Variants in CEP63 observed in about 807,000 individuals in gnomAD.
The protein encoded by CEP63 is centrosomal protein 63, also known as centrosomal protein of 63 kDa.
CEP63 carries 84 observed loss-of-function variants against 89.1 expected under a neutral mutation model. That is an observed-to-expected ratio of 0.94 (90% CI 0.79 to 1.13). The LOEUF (loss-of-function observed/expected upper bound fraction) is 1.13. CEP63 is among the 50% of genes most tolerant of loss of function. The pLI is 0.00. For missense variants in CEP63, 838 were observed against 813.3 expected (o/e 1.03, Z -0.37); for synonymous variants, 267 against 272.5 (o/e 0.98, Z 0.20).
the CEP63 span, chr3:134,650,769 T>C: frequency 3.7e-3 from 5,437 of 1,476,222 alleles, 15 homozygotes; most frequent in Non-Finnish European, 4.6e-3. Flanking sequence ...CAGGCCCTTG[T>C]GGCAAGGAGG....
chr3:134,624,934 G>A, the CEP63 span: 1 of 868,116 alleles, frequency 1.2e-6, no homozygotes, highest in East Asian at 2.6e-5. Flanking sequence ...AGGCATTCCA[G>A]GGCCATCCAA....
chr3:134,576,784 G>A (rs1156747571), downstream of CEP63, among the ~76,000 whole-genome samples: 1 of 152,144 alleles, frequency 6.6e-6, no homozygotes, highest in Non-Finnish European at 1.5e-5. Context: ...CCCTGGCCTC[G>A]GGGTCTGGGA....
In CEP63 at chr3:134,530,064, G is replaced by T. The variant is rs112262230; in HGVS notation, c.223-1781G>T. ...AATTTTTTGTATTTTTAGTAGAGAT[G>T]GGGTTTCACCGTGTGAGCCAGGATG... On this transcript the variant is annotated intron_variant, in intron 3 of 14. Coordinates refer to ENST00000675561, the MANE Select transcript of CEP63 (RefSeq NM_001353108.3). 7.0e-3 allele frequency among the ~76,000 whole-genome samples: 1,067 copies of T among 151,800 alleles called. 12 individuals are homozygous for T. The highest frequency in any genetic ancestry group is 0.025 in the African/African-American group (1,025 of 41,400).
At chr3:134,608,636 G>C in the CEP63 span, 35 of 1,613,884 alleles carry the variant, frequency 2.2e-5, no homozygotes, top group Non-Finnish European at 2.8e-5. Flanking sequence ...ACTGGCACCT[G>C]CTCCGGGCTC....
At chr3:134,708,206 A>G in the CEP63 span, among the ~76,000 whole-genome samples, 1 of 152,268 alleles carries the variant, frequency 6.6e-6, no homozygotes, top group South Asian at 2.1e-4. Context: ...ACCCCCTGCC[A>G]ATCAATCACA....
chr3:134,765,486 G>A, the CEP63 span, among the ~76,000 whole-genome samples: 94,249 of 152,086 alleles, frequency 0.62, 31,712 homozygotes, highest in East Asian at 0.87. Flanking sequence ...TGAATAAGGG[G>A]GAAGGGAGGA....
At chr3:134,559,984 A>G (rs1354902845) in intron 14 of CEP63, among the ~76,000 whole-genome samples, 1 of 152,212 alleles carries the variant, frequency 6.6e-6, no homozygotes, top group Admixed American at 6.5e-5. Flanking sequence ...AGCACTTGCC[A>G]TGGGCCCTTC....
intron 3 of CEP63, among the ~76,000 whole-genome samples, chr3:134,512,313 G>T (rs1432376494): frequency 6.6e-6 from 1 of 152,202 alleles, no homozygotes; most frequent in Non-Finnish European, 1.5e-5. Flanking sequence ...TCTGGTTACA[G>T]TGTTGGCACT....
At chr3:134,740,488 G>A in the CEP63 span, among the ~76,000 whole-genome samples, 3 of 152,072 alleles carry the variant, frequency 2.0e-5, no homozygotes, top group African/African-American at 7.2e-5. Context: ...TAGTAGAGAT[G>A]GGGGTTCACC....
intron 4 of CEP63, 47 bp downstream of exon 4, chr3:134,531,987 T>C (rs1949942303): frequency 7.4e-7 from 1 of 1,353,408 alleles, no homozygotes; most frequent in African/African-American, 1.4e-5. Context: ...TTCTCTCTCT[T>C]TCACCCTTGA....
At chr3:134,567,363 G>A (rs559833205), downstream of CEP63, among the ~76,000 whole-genome samples, 7 of 151,036 alleles carry the variant, frequency 4.6e-5, no homozygotes. Context: ...AAAATTGATT[G>A]TGATGGTTGC....
intron 6 of CEP63, among the ~76,000 whole-genome samples, chr3:134,539,585 C>A (rs971550881): frequency 2.6e-5 from 4 of 152,076 alleles, no homozygotes; most frequent in Non-Finnish European, 5.9e-5. Context: ...GAGTCAGAAT[C>A]CAGTCAAGGT....
chr3:134,531,808 C>G (rs373442447), intron 3 of CEP63, 37 bp from the exon 4 acceptor site: 1 of 1,366,140 alleles, frequency 7.3e-7, no homozygotes, highest in Non-Finnish European at 1.0e-6. Flanking sequence ...TATTTCAATG[C>G]TAATAGTGAA....
chr3:134,665,508 C>A, the CEP63 span, among the ~76,000 whole-genome samples: 4 of 152,252 alleles, frequency 2.6e-5, no homozygotes, highest in Non-Finnish European at 5.9e-5. Flanking sequence ...CCCAGGTGGT[C>A]GCTGAAAAGC....
the CEP63 span, among the ~76,000 whole-genome samples, chr3:134,695,837 G>A: frequency 6.6e-6 from 1 of 152,188 alleles, no homozygotes; most frequent in Non-Finnish European, 1.5e-5. Context: ...TGATAGCTAT[G>A]GTTCAAAGTG....
chr3:134,537,471 C>G (rs1376123810), intron 6 of CEP63, among the ~76,000 whole-genome samples: 2 of 152,158 alleles, frequency 1.3e-5, no homozygotes, highest in African/African-American at 4.8e-5. Flanking sequence ...CATTCACTCT[C>G]CTGTCCAGGC....
chr3:134,603,938 G>A, the CEP63 span: 1 of 1,614,002 alleles, frequency 6.2e-7, no homozygotes, highest in East Asian at 2.2e-5. Flanking sequence ...CCTGGTTCCT[G>A]CCTCTTCTTG....
At chr3:134,695,334 C>A in the CEP63 span, among the ~76,000 whole-genome samples, 3 of 152,232 alleles carry the variant, frequency 2.0e-5, no homozygotes, top group Non-Finnish European at 4.4e-5. Flanking sequence ...CTTGTAGAAA[C>A]AACTCTGATT....
intron 11 of CEP63, among the ~76,000 whole-genome samples, chr3:134,571,264 C>T (rs896147602): frequency 1.3e-5 from 2 of 152,230 alleles, no homozygotes; most frequent in African/African-American, 4.8e-5. Flanking sequence ...TCTGTTGCTT[C>T]CCAAATGGAA....
Sources: allele counts gnomAD v4.1 joint callset (sites outside exome capture counted in the v4.1 genomes callset), GRCh38; gene constraint gnomAD v4.1.1; transcripts MANE v1.5; gene names NCBI Gene and HGNC (gene_info 2026-07-23, HGNC 2026-07-21).